The following POLR2B variants were observed in gnomAD, a reference collection of about 807,000 sequenced individuals.
The protein encoded by POLR2B is RNA polymerase II subunit B, also known as DNA-directed RNA polymerase II subunit RPB2.
In POLR2B, 57 loss-of-function variants were observed where a neutral mutation model predicts 144.6. The observed-to-expected ratio is 0.39, with a 90% CI of 0.32 to 0.49. POLR2B has a LOEUF of 0.49. Among genes scored for constraint, POLR2B ranks in the 20% least tolerant of loss-of-function variants. The pLI is 0.83. For missense variants in POLR2B, 595 were observed against 1,467.4 expected (o/e 0.41, Z 9.71); for synonymous variants, 442 against 469.8 (o/e 0.94, Z 0.77).
intron 18 of POLR2B, 89 bp downstream of exon 18, chr4:57,022,335 G>C: frequency 2.7e-6 from 2 of 747,478 alleles, no homozygotes; most frequent in Admixed American, 2.4e-5. Flanking sequence ...GTCACCCTGT[G>C]CCTGCCCCTG....
rs371612313 is a variant in POLR2B, at chr4:57,004,160, G to T, written c.901-1086G>T. ...TCCTGCCTCAGCCTCCCAAGTAGCT[G>T]GGACTGCAGGCACACGCAACCATGC... On this transcript the variant is annotated intron_variant, in intron 7 of 24. Transcript: ENST00000314595. Among the ~76,000 whole-genome samples the T allele has an allele frequency of 2.0e-5, 3 of 151,380 alleles. No individual in the cohort carries two copies. In the East Asian group the frequency reaches 5.9e-4, roughly 30 times the overall value.
intron 10 of POLR2B, among the ~76,000 whole-genome samples, chr4:57,007,257 A>G (rs1723048075): frequency 6.6e-6 from 1 of 152,094 alleles, no homozygotes; most frequent in African/African-American, 2.4e-5. Context: ...TAAAGATACA[A>G]AAATTAGCTG....
chr4:56,995,036 T>G (rs1306852422), intron 5 of POLR2B, among the ~76,000 whole-genome samples, 170 bp downstream of exon 5: 2 of 152,186 alleles, frequency 1.3e-5, no homozygotes, highest in African/African-American at 4.8e-5. Flanking sequence ...CAAAGCTTTA[T>G]TTAGCTGTAT....
chr4:56,997,070 G>C (rs1269982029), intron 6 of POLR2B, among the ~76,000 whole-genome samples: 2 of 152,048 alleles, frequency 1.3e-5, no homozygotes, highest in Non-Finnish European at 2.9e-5. Context: ...ACCAGCGTGG[G>C]TGACAGAGCC....
At chr4:57,001,135 G>T (rs1722839053) in intron 7 of POLR2B, among the ~76,000 whole-genome samples, 1 of 152,180 alleles carries the variant, frequency 6.6e-6, no homozygotes, top group Admixed American at 6.5e-5. Context: ...ATTGCATTTT[G>T]ATTATATGTC....
chr4:57,012,655 G>GT (rs34594071), intron 13 of POLR2B, among the ~76,000 whole-genome samples: 21,984 of 151,702 alleles, frequency 0.14, 1,910 homozygotes, highest in East Asian at 0.4. Flanking sequence ...GACCCTGAGT[G>GT]TTTTTTTGTT....
At chr4:56,994,929 T>TAA in intron 5 of POLR2B, 63 bp downstream of exon 5, 1 of 725,700 alleles carries the variant, frequency 1.4e-6, no homozygotes, top group East Asian at 3.4e-5. Flanking sequence ...AAAGTTGAAA[T>TAA]GAAAAAAAAA....
intron 1 of POLR2B, among the ~76,000 whole-genome samples, chr4:56,984,227 T>G (rs946360168): frequency 2.6e-5 from 4 of 152,202 alleles, no homozygotes; most frequent in African/African-American, 9.7e-5. Context: ...TTTTCCTTTG[T>G]ATGACTTTTA....
chr4:57,017,168 C>T lies in POLR2B; in HGVS notation c.2081C>T (p.Thr694Ile). ...GAAGTAGCTTATTGTTCCACATATA[C>T]ACACTGTGAGATTCATCCCTCAATG... ...EKEVAYCSTY[T>I]HCEIHPSMIL... Residue 694 changes from threonine (T) to isoleucine (I), a missense_variant, in exon 15 of 25, where the codon ACA (threonine) becomes ATA (isoleucine). Coordinates refer to ENST00000314595, the MANE Select transcript of POLR2B (RefSeq NM_000938.3). This position sits in a 1 kb window ranked among gnomAD's most constrained non-coding sequence, Gnocchi z 4.8. 6.2e-7 allele frequency: 1 copy of T among 1,612,480 alleles called. No individual in the cohort carries two copies. The highest frequency in any genetic ancestry group is 1.3e-5 in the African/African-American group (1 of 74,956).
At chr4:56,990,215 C>T (rs978217839) in intron 2 of POLR2B, among the ~76,000 whole-genome samples, 1 of 151,876 alleles carries the variant, frequency 6.6e-6, no homozygotes. Context: ...AAAATTTGTC[C>T]ATAAAGGGCA....
Position 57,017,476 on chromosome 4 carries a change from A to T in POLR2B, c.2155-84A>T. The stretch of plus-strand genomic sequence containing the variant: ...AAAAAAATCAGGAGTTTTACCAATC[A>T]TATTTCTTTTGATTTATTGTCAGAG... On this transcript the variant is annotated intron_variant, in intron 15 of 24. Coordinates refer to ENST00000314595, the MANE Select transcript of POLR2B (RefSeq NM_000938.3). This position sits in a 1 kb window ranked among gnomAD's most constrained non-coding sequence, Gnocchi z 4.8. 8.6e-7 allele frequency: 1 copy of T among 1,161,852 alleles called. No homozygotes were observed. 72.0% of individuals were successfully genotyped at this position (1,161,852 alleles called of 1,614,324 possible). A position where few individuals can be genotyped will look rare whatever the true frequency, so the allele number is the denominator to read the frequency against.
chr4:56,984,508 C>T (rs1028814068), intron 1 of POLR2B, among the ~76,000 whole-genome samples: 1 of 152,078 alleles, frequency 6.6e-6, no homozygotes, highest in Non-Finnish European at 1.5e-5. Context: ...GTATTGTGAT[C>T]TATAGATATC....
chr4:56,991,428 A>G (rs1480094016), intron 3 of POLR2B, among the ~76,000 whole-genome samples: 2 of 152,214 alleles, frequency 1.3e-5, no homozygotes, highest in Non-Finnish European at 1.5e-5. Flanking sequence ...TTGGTTTTAC[A>G]TGAGTGATTA....
intron 17 of POLR2B, among the ~76,000 whole-genome samples, chr4:57,021,254 A>T (rs1038471916): frequency 3.9e-5 from 6 of 152,206 alleles, no homozygotes; most frequent in African/African-American, 1.4e-4. Flanking sequence ...AATAAAAATA[A>T]CTTAGAATCC....
chr4:57,017,495 G>A lies in POLR2B; in HGVS notation c.2155-65G>A. ...CCAATCATATTTCTTTTGATTTATT[G>A]TCAGAGTCTTTTCCATTAGTGATAG... On this transcript the variant is annotated intron_variant, in intron 15 of 24. Coordinates refer to ENST00000314595, the MANE Select transcript of POLR2B (RefSeq NM_000938.3). This position sits in a 1 kb window ranked among gnomAD's most constrained non-coding sequence, Gnocchi z 4.8. The A allele has an allele frequency of 2.3e-6, 3 of 1,293,888 alleles. No homozygotes were observed. Among genetic ancestry groups the A allele is most frequent in the East Asian group, 2.3e-5 (1 of 42,642 alleles). 80.2% of individuals were successfully genotyped at this position (1,293,888 alleles called of 1,614,324 possible).
Position 56,999,695 on chromosome 4 carries a change from G to C in POLR2B, c.814G>C (p.Val272Leu). The C allele has an allele frequency of 6.2e-7, 1 of 1,610,858 alleles. No homozygotes were observed. The highest frequency in any genetic ancestry group is 8.5e-7 in the Non-Finnish European group (1 of 1,177,112). Residue 272 changes from valine to leucine, a missense_variant, in exon 7 of 25, where the codon GTG becomes CTG. Val to Leu is a conservative substitution (Grantham distance 32). Transcript: ENST00000314595. ...CAAGCAAGAAGTTCCCATCATTATT[G>C]TGTTCAGAGCATTAGGTTTTGTGTC... Reference protein sequence around the residue: ...YIKQEVPIIIVFRALGFVSDR... With the variant: ...YIKQEVPIIILFRALGFVSDR...
At chr4:56,997,027 G>A (rs1722712399) in intron 6 of POLR2B, among the ~76,000 whole-genome samples, 1 of 152,152 alleles carries the variant, frequency 6.6e-6, no homozygotes, top group South Asian at 2.1e-4. Flanking sequence ...TGAGTGCTGA[G>A]GTTGCAGTGA....
chr4:56,988,453 C>A (rs981627859), intron 2 of POLR2B, among the ~76,000 whole-genome samples: 6 of 151,916 alleles, frequency 3.9e-5, no homozygotes, highest in African/African-American at 7.3e-5. Flanking sequence ...GACTTGAGCT[C>A]AGGAGTTTGA....
chr4:56,979,818 G>A (rs1235834045), intron 1 of POLR2B, among the ~76,000 whole-genome samples: 1 of 151,268 alleles, frequency 6.6e-6, no homozygotes, highest in African/African-American at 2.4e-5. Flanking sequence ...ACGATCGCTT[G>A]AGCCCAGGAG....
Sources: allele counts gnomAD v4.1 joint callset (sites outside exome capture counted in the v4.1 genomes callset), GRCh38; gene constraint gnomAD v4.1.1; non-coding constraint Gnocchi (gnomAD v3.1); transcripts MANE v1.5; gene names NCBI Gene and HGNC (gene_info 2026-07-23, HGNC 2026-07-21).